TACC2: variants seen among roughly 807,000 people sequenced by gnomAD.
TACC2 encodes transforming acidic coiled-coil containing protein 2, also known as transforming acidic coiled-coil-containing protein 2.
TACC2 carries 137 observed loss-of-function variants against 227.3 expected under a neutral mutation model. The ratio of observed to expected loss-of-function variants is 0.60; its 90% CI spans 0.52 to 0.69. The LOEUF (loss-of-function observed/expected upper bound fraction) is 0.69. Among genes scored for constraint, TACC2 ranks in the 30% least tolerant of loss-of-function variants. TACC2 has a pLI of 0.00. For missense variants in TACC2, 3,470 were observed against 3,694.4 expected (o/e 0.94, Z 1.57); for synonymous variants, 1,523 against 1,487.5 (o/e 1.02, Z -0.55).
rs763964610 is a variant in TACC2 at position 122,085,695 on chromosome 10, C to T, written c.3195C>T (p.Pro1065=). Residue 1065 remains proline (P), a synonymous_variant, in exon 4 of 23, where the codon CCC becomes CCT. Transcript: ENST00000369005. The part of the protein sequence containing the change: ...DAVPCLPALA[P]ASPGVTPTQD... Reference sequence around the variant, plus strand: ...TTCCCTGCCTGCCAGCCCTGGCGCCCGCCAGCCCCGGAGTCACACCCACCC... The same window carrying T: ...TTCCCTGCCTGCCAGCCCTGGCGCCTGCCAGCCCCGGAGTCACACCCACCC... 6.7e-5 allele frequency: 108 copies of T among 1,613,616 alleles called. 1 individual carries two copies. In the South Asian group the frequency reaches 9.4e-4, roughly 14 times the overall value.
intron 3 of TACC2, among the ~76,000 whole-genome samples, chr10:122,063,360 C>G (rs1278646294): frequency 6.6e-6 from 1 of 152,208 alleles, no homozygotes; most frequent in African/African-American, 2.4e-5. Context: ...CTCCGCCCCT[C>G]CTTGTCCTGC....
Position 122,204,936 on chromosome 10 carries a change from A to G in TACC2, c.5972-5461A>G, listed in dbSNP as rs190876147. 4.7e-3 allele frequency among the ~76,000 whole-genome samples: 707 copies of G among 151,904 alleles called. 18 individuals are homozygous for G. The highest frequency in any genetic ancestry group is 0.042 in the Admixed American group (645 of 15,254). On this transcript the variant is annotated intron_variant, in intron 8 of 22. Transcript: ENST00000369005. ...GCCCGCACAGCACAGTGGGGCTGTC[A>G]CTCCAACAGTGCTCCTGGGTGCCTT...
chr10:122,084,827 C>T lies in TACC2; in HGVS notation c.2327C>T (p.Ala776Val), dbSNP rs2079919041. 6.2e-7 allele frequency: 1 copy of T among 1,613,646 alleles called. No individual in the cohort carries two copies. The highest frequency in any genetic ancestry group is 2.2e-5 in the East Asian group (1 of 44,884). ...GATGCGTCGAGACAGGAATTTCATGCTGGGGTGCCACATCCCCCCCAGGGG... is the reference window on the plus strand; with the variant it reads ...GATGCGTCGAGACAGGAATTTCATGTTGGGGTGCCACATCCCCCCCAGGGG... ...ACDASRQEFH[A>V]GVPHPPQGEN... The change falls in exon 4 of 23, where the codon GCT (alanine) becomes GTT (valine). Residue 776 changes from alanine (A) to valine (V), a missense_variant. Ala to Val is a moderately conservative substitution (Grantham distance 64). Transcript: ENST00000369005.
At position 122,248,803 on chromosome 10, in the gene TACC2, G is replaced by A; in HGVS notation, c.8553G>A (p.Lys2851=). Residue 2851 remains lysine, a splice_region_variant and synonymous_variant, in exon 20 of 23, where the codon AAG becomes AAA. Transcript: ENST00000369005. Reference sequence around the variant, plus strand: ...AGGAGGTCCTAGAAGGCTTCCGCAAGGTAGGGCTGAGTTTGGGGGCCACGG... The same window carrying A: ...AGGAGGTCCTAGAAGGCTTCCGCAAAGTAGGGCTGAGTTTGGGGGCCACGG... ...KMKEVLEGFR[K]NEEVLKRCAQ... is the part of the protein sequence containing the mutation. The A allele has an allele frequency of 6.2e-7, 1 of 1,614,104 alleles. No individual in the cohort carries two copies. The highest frequency in any genetic ancestry group is 8.5e-7 in the Non-Finnish European group (1 of 1,180,008).
intron 19 of TACC2, among the ~76,000 whole-genome samples, chr10:122,243,888 A>G (rs1325345065): frequency 6.6e-6 from 1 of 152,196 alleles, no homozygotes; most frequent in Non-Finnish European, 1.5e-5. Context: ...CTCCTGAGAG[A>G]AAGCTACCCA....
chr10:122,238,110 T>G (rs2095896914), intron 18 of TACC2, 73 bp downstream of exon 18: 3 of 1,226,994 alleles, frequency 2.4e-6, no homozygotes, highest in Non-Finnish European at 3.6e-6. Flanking sequence ...CCGGAGCTGG[T>G]GTGGTCCACA....
chr10:122,193,574 C>T (rs575732988), intron 7 of TACC2, among the ~76,000 whole-genome samples: 8 of 152,298 alleles, frequency 5.3e-5, no homozygotes, highest in East Asian at 3.9e-4. Flanking sequence ...CAGGTCACCC[C>T]GATTTCATGT....
intron 8 of TACC2, among the ~76,000 whole-genome samples, chr10:122,195,723 A>G (rs1033984223): frequency 1.3e-5 from 2 of 152,118 alleles, no homozygotes; most frequent in African/African-American, 4.8e-5. Flanking sequence ...TGGTTAGTGG[A>G]CAGGTGGAAT....
chr10:122,237,635 C>T (rs935730392), intron 17 of TACC2, 97 bp downstream of exon 17: 7 of 1,430,194 alleles, frequency 4.9e-6, no homozygotes, highest in Non-Finnish European at 6.6e-6. Flanking sequence ...CAGACTTTGT[C>T]CTCTGAACGC....
chr10:122,240,534 G>T (rs1184364355), intron 18 of TACC2, among the ~76,000 whole-genome samples: 2 of 152,170 alleles, frequency 1.3e-5, no homozygotes, highest in African/African-American at 2.4e-5. Flanking sequence ...AGCCCTGAAA[G>T]GTGGGGTCTA....
At position 122,033,083 on chromosome 10, in the gene TACC2, T is replaced by C. The variant is rs1360767968; in HGVS notation, c.33+11069T>C. ...GACCTGTCCTAACGGTGAGATCCCT[T>C]TGCATTTCAGCAGGAGGACTCCGTC... is the stretch of plus-strand genomic sequence containing the variant. On this transcript the variant is annotated intron_variant, in intron 2 of 22. Transcript: ENST00000369005. 3 of 1,288,722 alleles carry C rather than the reference T, an allele frequency of 2.3e-6. No homozygotes were observed. In the Admixed American group the frequency reaches 6.9e-5, roughly 30 times the overall value. 79.8% of individuals were successfully genotyped at this position (1,288,722 alleles called of 1,614,324 possible).
intron 6 of TACC2, 40 bp from the exon 7 acceptor site, chr10:122,143,532 C>T (rs761298991): frequency 1.9e-6 from 3 of 1,604,120 alleles, no homozygotes; most frequent in Non-Finnish European, 1.7e-6. Flanking sequence ...CATTAATGAG[C>T]CCAGCACCAT....
At position 122,155,202 on chromosome 10, in the gene TACC2, G is replaced by GCGCAGATC. The variant is rs201619600; in HGVS notation, c.5834+11500_5834+11507dup. On this transcript the variant is annotated intron_variant, in intron 7 of 22. Transcript: ENST00000369005. The stretch of plus-strand genomic sequence containing the variant: ...GAGGGGAGCCCCTCCCACCACAGAG[G>GCGCAGATC]CGCAGATCCGCCCTTCTCAACCTGC... Among the ~76,000 whole-genome samples, 1,218 of 152,332 alleles carry GCGCAGATC rather than the reference G, an allele frequency of 8.0e-3. 13 individuals are homozygous for GCGCAGATC. Among genetic ancestry groups the GCGCAGATC allele is most frequent in the African/African-American group, 0.026 (1,095 of 41,572 alleles).
chr10:122,006,344 G>A (rs1387798890), intron 1 of TACC2, among the ~76,000 whole-genome samples: 1 of 152,116 alleles, frequency 6.6e-6, no homozygotes, highest in Non-Finnish European at 1.5e-5. Flanking sequence ...AGCTACACAG[G>A]AGGCTGAGGC....
At chr10:122,144,850 G>A (rs1457788903) in intron 7 of TACC2, among the ~76,000 whole-genome samples, 1 of 152,290 alleles carries the variant, frequency 6.6e-6, no homozygotes, top group East Asian at 1.9e-4. Flanking sequence ...CCATCCTTCA[G>A]ATTGTTGTTG....
At chr10:122,244,380 C>G (rs1036952292) in intron 19 of TACC2, among the ~76,000 whole-genome samples, 2 of 152,186 alleles carry the variant, frequency 1.3e-5, no homozygotes, top group Non-Finnish European at 2.9e-5. Context: ...CCTCATTCAC[C>G]CATTGACCGT....
intron 3 of TACC2, among the ~76,000 whole-genome samples, chr10:122,065,952 C>T (rs1052522485): frequency 6.6e-6 from 1 of 152,148 alleles, no homozygotes; most frequent in Non-Finnish European, 1.5e-5. Flanking sequence ...ATAGACACAA[C>T]AGCCTGATTA....
intron 7 of TACC2, among the ~76,000 whole-genome samples, chr10:122,185,961 G>A (rs1024429672): frequency 5.3e-5 from 8 of 151,910 alleles, no homozygotes; most frequent in Middle Eastern, 3.2e-3. Context: ...GTGGAATTTC[G>A]CTCTTGTTGC....
In TACC2 at chr10:122,087,330, T is replaced by C. The variant is rs763193413; in HGVS notation, c.4830T>C (p.His1610=). The part of the protein sequence containing the change: ...HQETSACDSP[H]GEDGPGDFAH... ...AAACATCTGCCTGCGACAGTCCACA[T>C]GGAGAAGATGGTCCCGGGGACTTTG... is the stretch of plus-strand genomic sequence containing the variant. The change falls in exon 4 of 23, where the codon CAT becomes CAC. Residue 1610 remains histidine (H), a synonymous_variant. Coordinates refer to ENST00000369005, the MANE Select transcript of TACC2 (RefSeq NM_206862.4). 3 of 1,613,902 alleles carry C rather than the reference T, an allele frequency of 1.9e-6. No individual in the cohort carries two copies. Among genetic ancestry groups the C allele is most frequent in the Non-Finnish European group, 2.5e-6 (3 of 1,180,034 alleles).
Sources: allele counts gnomAD v4.1 joint callset (sites outside exome capture counted in the v4.1 genomes callset), GRCh38; gene constraint gnomAD v4.1.1; transcripts MANE v1.5; gene names NCBI Gene and HGNC (gene_info 2026-07-23, HGNC 2026-07-21).